The following PDE4D variants were observed in gnomAD, a reference collection of about 807,000 sequenced individuals.
PDE4D encodes the protein 3',5'-cyclic-AMP phosphodiesterase 4D.
PDE4D carries 24 observed loss-of-function variants against 87.4 expected under a neutral mutation model. The observed-to-expected ratio is 0.27, with a 90% CI of 0.20 to 0.39. PDE4D has a LOEUF of 0.39. Among genes scored for constraint, PDE4D ranks in the 10% least tolerant of loss-of-function variants. The probability of loss-of-function intolerance (pLI) is 1.00; values close to 1 mark genes in which losing one functional copy is unlikely to be tolerated. For synonymous variants in PDE4D, 384 were observed against 383.2 expected, an observed-to-expected ratio of 1.00 and a Z score of -0.02; for missense variants, 714 against 1,041.0, an observed-to-expected ratio of 0.69 and a Z score of 4.32.
Position 59,916,901 on chromosome 5 carries a change from C to T in PDE4D, c.272+71587G>A, listed in dbSNP as rs150065775. On this transcript the variant is annotated intron_variant, in intron 3 of 16. Coordinates refer to the PDE4D transcript ENST00000502484. ...CTCCTGGGTTCAAGCAATTTTCCTG[C>T]CTCAGCCTCCCAAGTAGCTGGGACC... 7.4e-3 allele frequency among the ~76,000 whole-genome samples: 1,120 copies of T among 151,552 alleles called. 14 individuals are homozygous for T. The highest frequency in any genetic ancestry group is 0.025 in the African/African-American group (1,021 of 41,226).
rs573282500 is a variant in PDE4D at position 59,574,254 on chromosome 5, T to TA, written c.455+318913_455+318914insT. 2.7e-4 allele frequency among the ~76,000 whole-genome samples: 40 copies of TA among 146,876 alleles called. 1 individual carries two copies. In the South Asian group the frequency reaches 4.9e-3, roughly 18 times the overall value. On this transcript the variant is annotated intron_variant, in intron 1 of 14. Coordinates refer to ENST00000340635, the MANE Select transcript of PDE4D (RefSeq NM_001104631.2). ...TGTAAAGGTAATATATATATATATA[T>TA]TTTTTAACTATTACATACATATGTG... is the stretch of plus-strand genomic sequence containing the variant.
At chr5:60,500,832 T>C (rs1750035533) in intron 1 of PDE4D, among the ~76,000 whole-genome samples, 2 of 152,280 alleles carry the variant, frequency 1.3e-5, no homozygotes, top group Admixed American at 1.3e-4. Context: ...ACCTGACCCA[T>C]GGCAGGCATT....
At chr5:59,328,223 T>C (rs1209872933) in intron 1 of PDE4D, among the ~76,000 whole-genome samples, 1 of 152,186 alleles carries the variant, frequency 6.6e-6, no homozygotes, top group African/African-American at 2.4e-5. Flanking sequence ...TGCCATTTAC[T>C]AGCTGTGTGA....
rs559056412 is a variant in PDE4D at position 59,676,577 on chromosome 5, T to C, written c.455+216591A>G. Among the ~76,000 whole-genome samples, 7 of 152,292 alleles carry C rather than the reference T, an allele frequency of 4.6e-5. No homozygotes were observed. The South Asian group carries it at 1.4e-3, about 32-fold the overall frequency. Reference sequence around the variant, plus strand: ...TTACAGAGCATAAAGAACCATTTTATTCATTTTAAATCTCAAACTATGCTG... The same window carrying C: ...TTACAGAGCATAAAGAACCATTTTACTCATTTTAAATCTCAAACTATGCTG... On this transcript the variant is annotated intron_variant, in intron 1 of 14. Transcript: ENST00000340635.
intron 2 of PDE4D, among the ~76,000 whole-genome samples, chr5:60,123,228 A>G (rs1778842671): frequency 6.6e-6 from 1 of 152,144 alleles, no homozygotes; most frequent in African/African-American, 2.4e-5. Flanking sequence ...GGGCAATTCC[A>G]AAGTCGCTTC....
At chr5:59,012,215 C>T (rs201321674) in intron 6 of PDE4D, among the ~76,000 whole-genome samples, 2 of 152,106 alleles carry the variant, frequency 1.3e-5, no homozygotes, top group Non-Finnish European at 2.9e-5. Context: ...ATTGTAAAGA[C>T]CATCAAGGCT....
intron 6 of PDE4D, among the ~76,000 whole-genome samples, chr5:59,011,932 C>A (rs1397299429): frequency 6.6e-6 from 1 of 152,170 alleles, no homozygotes; most frequent in Admixed American, 6.5e-5. Flanking sequence ...CAAAGGGAAG[C>A]CCATCAGACT....
rs1383250907 is a variant in PDE4D, at chr5:59,038,874, C to T, written c.906G>A (p.Glu302=). 1.3e-6 allele frequency: 2 copies of T among 1,572,858 alleles called. No homozygotes were observed. Among genetic ancestry groups the T allele is most frequent in the Non-Finnish European group, 1.7e-6 (2 of 1,159,432 alleles). The stretch of plus-strand genomic sequence containing the variant: ...CGGGGCTTACCTTGTTGGAGGCCAT[C>T]TCACTGACGGAGTGCCTGGTCTGTA... ...ETLQTRHSVS[E]MASNKFKRML... Residue 302 remains glutamate, a synonymous_variant, in exon 6 of 15, where the codon GAG becomes GAA. Transcript: ENST00000340635.
At chr5:60,044,062 T>C (rs1019342832) in intron 2 of PDE4D, among the ~76,000 whole-genome samples, 3 of 152,152 alleles carry the variant, frequency 2.0e-5, no homozygotes, top group African/African-American at 7.2e-5. Flanking sequence ...TTTAGTTTTC[T>C]GTGATTTGAA....
At chr5:59,484,718 C>T (rs753177611) in intron 1 of PDE4D, among the ~76,000 whole-genome samples, 1 of 152,186 alleles carries the variant, frequency 6.6e-6, no homozygotes, top group Non-Finnish European at 1.5e-5. Flanking sequence ...AAGTAACATA[C>T]ATACTAGCAA....
intron 5 of PDE4D, among the ~76,000 whole-genome samples, chr5:59,159,944 G>GA (rs962344598): frequency 6.6e-6 from 1 of 151,716 alleles, no homozygotes; most frequent in East Asian, 1.9e-4. Flanking sequence ...TACTGTAGGG[G>GA]AAAAAAAAGT....
Position 59,914,866 on chromosome 5 carries a change from G to GGTGTGTGTGTGTGTGT in PDE4D, c.272+73606_272+73621dup, listed in dbSNP as rs3062699. 1.6e-3 allele frequency among the ~76,000 whole-genome samples: 202 copies of GGTGTGTGTGTGTGTGT among 122,584 alleles called. 1 individual carries two copies. Among genetic ancestry groups the GGTGTGTGTGTGTGTGT allele is most frequent in the Non-Finnish European group, 2.0e-3 (118 of 59,658 alleles). The allele number at this position is 122,584 out of a possible 152,430, so 80.4% of individuals were successfully genotyped here. ...GGCTTGGTTATAATTTACTGATAGG[G>GGTGTGTGTGTGTGTGT]GTGTGTGTGTGTGTGTGTGTGTGTG... On this transcript the variant is annotated intron_variant, in intron 3 of 16. Coordinates refer to the PDE4D transcript ENST00000502484.
intron 1 of PDE4D, among the ~76,000 whole-genome samples, chr5:60,253,095 C>T (rs1236034236): frequency 6.6e-6 from 1 of 151,752 alleles, no homozygotes; most frequent in Non-Finnish European, 1.5e-5. Flanking sequence ...AACATCAGTA[C>T]CCAAGGCCAA....
At chr5:59,048,719 A>C (rs1447406560) in intron 5 of PDE4D, among the ~76,000 whole-genome samples, 2 of 152,196 alleles carry the variant, frequency 1.3e-5, no homozygotes, top group Non-Finnish European at 2.9e-5. Flanking sequence ...TAATAAATAG[A>C]AAGTTCTGGA....
chr5:59,804,501 T>C (rs1333961315), intron 1 of PDE4D, among the ~76,000 whole-genome samples: 1 of 150,652 alleles, frequency 6.6e-6, no homozygotes, highest in African/African-American at 2.4e-5. Context: ...TCTCGTAGAA[T>C]GACTTCTTTC....
In PDE4D at chr5:60,134,224, T is replaced by G. The variant is rs556098928; in HGVS notation, c.42+51333A>C. On this transcript the variant is annotated intron_variant, in intron 2 of 16. Coordinates refer to the PDE4D transcript ENST00000502484. ...TTATAAACATTATACAGGCTGAGTGTGGTACCTCCTGCCTGTAATCCCAGC... is the reference window on the plus strand; with the variant it reads ...TTATAAACATTATACAGGCTGAGTGGGGTACCTCCTGCCTGTAATCCCAGC... Among the ~76,000 whole-genome samples, 79 of 152,286 alleles carry G rather than the reference T, an allele frequency of 5.2e-4. 1 individual carries two copies. In the South Asian group the frequency reaches 0.016, roughly 32 times the overall value.
rs756647796 is a variant in PDE4D at position 59,335,145 on chromosome 5, TG to T, written c.456-119178del. 3.9e-5 allele frequency among the ~76,000 whole-genome samples: 6 copies of T among 152,200 alleles called. No homozygotes were observed. The East Asian group carries it at 1.2e-3, about 29-fold the overall frequency. Reference sequence around the variant, plus strand: ...TTAATGTTTTTCTTCGCTATTCCTTTGGAAGGCTCATGACAGCAGGAACCAT... The same window carrying T: ...TTAATGTTTTTCTTCGCTATTCCTTTGAAGGCTCATGACAGCAGGAACCAT... On this transcript the variant is annotated intron_variant, in intron 1 of 14. Transcript: ENST00000340635.
intron 1 of PDE4D, among the ~76,000 whole-genome samples, chr5:60,248,046 A>G (rs943632284): frequency 2.6e-5 from 4 of 152,096 alleles, no homozygotes; most frequent in Non-Finnish European, 5.9e-5. Flanking sequence ...AAGCAATTTC[A>G]TATGGTTCAA....
chr5:59,221,631 C>CA (rs112459637), intron 1 of PDE4D, among the ~76,000 whole-genome samples: 5,057 of 145,856 alleles, frequency 0.035, 296 homozygotes, highest in African/African-American at 0.12. Context: ...GACTCTGTCT[C>CA]AAAAAAAAAA....
Sources: gnomAD v4.1 joint callset for allele counts (sites outside exome capture counted in the v4.1 genomes callset) on GRCh38, gnomAD v4.1.1 for gene constraint, MANE v1.5 for transcripts, NCBI Gene and HGNC (gene_info 2026-07-23, HGNC 2026-07-21) for gene names.